UBE2U: variants seen among roughly 807,000 people sequenced by gnomAD.
The protein encoded by UBE2U is ubiquitin conjugating enzyme E2 U.
Under a neutral mutation model 41.2 loss-of-function variants are expected in UBE2U, and 39 were observed. The observed-to-expected ratio is 0.95, with a 90% CI of 0.73 to 1.24. The LOEUF (loss-of-function observed/expected upper bound fraction) is 1.24, where lower values mean the gene tolerates loss of function less well. Ranked by LOEUF, UBE2U falls within the 50% of genes most tolerant of loss-of-function variation. The pLI is 0.00. For synonymous variants in UBE2U, 107 were observed against 117.8 expected, an observed-to-expected ratio of 0.91 and a Z score of 0.60; for missense variants, 336 against 363.1, an observed-to-expected ratio of 0.93 and a Z score of 0.61.
chr1:64,229,139 G>A (rs559315214), intron 6 of UBE2U, among the ~76,000 whole-genome samples: 30 of 152,024 alleles, frequency 2.0e-4, no homozygotes, highest in Non-Finnish European at 2.2e-4. Context: ...GATTGCAGGC[G>A]TGAGCCACTG....
chr1:64,221,154 C>T (rs1454623813), intron 6 of UBE2U, among the ~76,000 whole-genome samples: 1 of 152,122 alleles, frequency 6.6e-6, no homozygotes, highest in African/African-American at 2.4e-5. Flanking sequence ...TCTTGTCGCC[C>T]AGGCTGGAAT....
At chr1:64,231,245 C>T (rs1644558468) in intron 6 of UBE2U, among the ~76,000 whole-genome samples, 2 of 152,100 alleles carry the variant, frequency 1.3e-5, no homozygotes, top group Non-Finnish European at 2.9e-5. Flanking sequence ...ACAATGGAGA[C>T]GATTGTGCCT....
chr1:64,207,046 C>T (rs1651340117), intron 3 of UBE2U, among the ~76,000 whole-genome samples, 190 bp downstream of exon 3: 1 of 152,150 alleles, frequency 6.6e-6, no homozygotes, highest in Non-Finnish European at 1.5e-5. Context: ...AAAATACTGT[C>T]AACATTTTGC....
At chr1:64,217,410 CTACT>C (rs998117070) in intron 5 of UBE2U, among the ~76,000 whole-genome samples, 2 of 152,132 alleles carry the variant, frequency 1.3e-5, no homozygotes, top group Non-Finnish European at 2.9e-5. Context: ...CTGAGTATTG[CTACT>C]TACTTTCTAA....
chr1:64,252,553 G>T (rs1256089830), intron 8 of UBE2U, among the ~76,000 whole-genome samples: 1 of 152,158 alleles, frequency 6.6e-6, no homozygotes, highest in East Asian at 1.9e-4. Context: ...AAAGGAACAG[G>T]CTGCCATCTT....
At chr1:64,239,148 A>AAGG (rs1557730742) in intron 7 of UBE2U, among the ~76,000 whole-genome samples, 15 of 24,666 alleles carry the variant, frequency 6.1e-4, no homozygotes, top group African/African-American at 2.8e-3. Context: ...GAAGAAGAAG[A>AAGG]AGAAGAAGAA....
At position 64,206,849 on chromosome 1, in the gene UBE2U, T is replaced by C. The variant is rs34327217; in HGVS notation, c.234T>C (p.His78=). The C allele has an allele frequency of 9.4e-4, 1,481 of 1,581,034 alleles. 14 individuals carry two copies. In the African/African-American group the frequency reaches 0.017, roughly 18 times the overall value. Residue 78 remains histidine, a synonymous_variant, in exon 3 of 10, where the codon CAT becomes CAC. Coordinates refer to ENST00000371077, the MANE Select transcript of UBE2U (RefSeq NM_001366232.2). ...PVVKFITIPF[H]PNVDPHTGQP... ...TGAAATTTATAACAATTCCGTTTCA[T>C]CCAAATGGTAAGAACTAAATGACAT...
At chr1:64,266,878 C>T in intron 9 of UBE2U, 146 bp from the exon 10 acceptor site, 1 of 681,988 alleles carries the variant, frequency 1.5e-6, no homozygotes, top group Non-Finnish European at 2.4e-6. Context: ...ACTTACAAAA[C>T]ATGAAGTTTA....
intron 8 of UBE2U, among the ~76,000 whole-genome samples, chr1:64,245,341 CTGTTCTTTCGAG>C (rs1386635484): frequency 3.3e-5 from 5 of 152,128 alleles, no homozygotes; most frequent in Admixed American, 6.6e-5. Context: ...GCAATGAAAG[CTGTTCTTTCGAG>C]TGTTCTTGGT....
intron 8 of UBE2U, among the ~76,000 whole-genome samples, chr1:64,250,944 A>T (rs12406611): frequency 6.7e-6 from 1 of 148,518 alleles, no homozygotes; most frequent in Non-Finnish European, 1.5e-5. Flanking sequence ...GTATAGCATT[A>T]GGAGATACAC....
chr1:64,250,868 A>T (rs1644996455), intron 8 of UBE2U, among the ~76,000 whole-genome samples: 1 of 146,304 alleles, frequency 6.8e-6, no homozygotes, highest in Non-Finnish European at 1.5e-5. Flanking sequence ...AACAATGAGA[A>T]CACATGGACA....
intron 6 of UBE2U, among the ~76,000 whole-genome samples, chr1:64,221,517 A>G (rs1652465880): frequency 6.6e-6 from 1 of 152,174 alleles, no homozygotes; most frequent in East Asian, 1.9e-4. Flanking sequence ...GGAGAAGATA[A>G]GGTCTAGATA....
intron 1 of UBE2U, among the ~76,000 whole-genome samples, chr1:64,204,864 A>G (rs1651193539): frequency 1.3e-5 from 2 of 152,224 alleles, no homozygotes; most frequent in South Asian, 4.1e-4. Flanking sequence ...AAAGTACTGC[A>G]TTCACTGGAG....
At chr1:64,210,607 C>T in intron 3 of UBE2U, 135 bp from the exon 4 acceptor site, 2 of 558,064 alleles carry the variant, frequency 3.6e-6, no homozygotes, top group Non-Finnish European at 2.9e-6. Context: ...TATAGTGCTT[C>T]TCAGTACAGA....
At chr1:64,205,587 C>T (rs370422829) in intron 1 of UBE2U, 52 bp from the exon 2 acceptor site, 15 of 1,477,230 alleles carry the variant, frequency 1.0e-5, no homozygotes, top group African/African-American at 8.5e-5. Context: ...TTCAAAACTT[C>T]AATAAATACT....
intron 8 of UBE2U, among the ~76,000 whole-genome samples, chr1:64,251,487 G>A (rs997751811): frequency 1.3e-5 from 2 of 152,164 alleles, no homozygotes; most frequent in Non-Finnish European, 2.9e-5. Flanking sequence ...AGAACAGGGA[G>A]TGAATTTGGC....
intron 6 of UBE2U, among the ~76,000 whole-genome samples, chr1:64,230,639 C>T (rs907253603): frequency 3.9e-5 from 6 of 151,908 alleles, no homozygotes; most frequent in South Asian, 2.1e-4. Flanking sequence ...CTTTCCCTGA[C>T]GACTGAAAAA....
intron 7 of UBE2U, among the ~76,000 whole-genome samples, chr1:64,237,304 GAAA>G (rs35861714): frequency 2.1e-5 from 2 of 95,796 alleles, no homozygotes; most frequent in Non-Finnish European, 2.0e-5. Flanking sequence ...ATGTATCATA[GAAA>G]AAAAAAAAAA....
intron 8 of UBE2U, among the ~76,000 whole-genome samples, chr1:64,244,927 A>C (rs925001132): frequency 2.0e-5 from 3 of 152,204 alleles, no homozygotes; most frequent in Non-Finnish European, 2.9e-5. Context: ...AATGTGAAGA[A>C]AGTTCATTTT....
Sources: gnomAD v4.1 joint callset for allele counts (sites outside exome capture counted in the v4.1 genomes callset) on GRCh38, gnomAD v4.1.1 for gene constraint, MANE v1.5 for transcripts, NCBI Gene and HGNC (gene_info 2026-07-23, HGNC 2026-07-21) for gene names.